The following SUN3 variants were observed in gnomAD, a reference collection of about 807,000 sequenced individuals.
SUN3 encodes the protein Sad1 and UNC84 domain containing 3, also known as SUN domain-containing protein 3.
A neutral mutation model predicts 48.2 loss-of-function variants in SUN3; 36 were observed. The observed-to-expected ratio is 0.75, with a 90% confidence interval of 0.57 to 0.99. SUN3 has a LOEUF of 0.99. Ranked by LOEUF, SUN3 falls within the 50% of genes least tolerant of loss-of-function variation. The pLI is 0.00. For synonymous variants in SUN3, 148 were observed against 147.9 expected (o/e 1.00, Z 0.00); for missense variants, 419 against 433.1 (o/e 0.97, Z 0.29).
chr7:48,012,491 T>G (rs572128900), intron 3 of SUN3, among the ~76,000 whole-genome samples: 6 of 152,238 alleles, frequency 3.9e-5, no homozygotes, highest in African/African-American at 1.4e-4. Context: ...AATGATGTGT[T>G]AACACATTTC....
intron 1 of SUN3, among the ~76,000 whole-genome samples, chr7:48,027,500 G>A (rs921050448): frequency 6.6e-6 from 1 of 152,180 alleles, no homozygotes; most frequent in Non-Finnish European, 1.5e-5. Flanking sequence ...AGGGTGGATG[G>A]GGAGGGAAGC....
chr7:47,995,767 T>C (rs1250602796), intron 7 of SUN3, among the ~76,000 whole-genome samples: 1 of 152,238 alleles, frequency 6.6e-6, no homozygotes, highest in East Asian at 1.9e-4. Context: ...ATGGAATGTA[T>C]ATGTTTTACT....
intron 8 of SUN3, among the ~76,000 whole-genome samples, chr7:47,989,145 C>T (rs1788982364): frequency 6.6e-6 from 1 of 152,036 alleles, no homozygotes; most frequent in Admixed American, 6.6e-5. Flanking sequence ...TAGATAGATC[C>T]ATAGATAGAT....
chr7:48,033,297 A>G (rs1044859663), upstream of SUN3, among the ~76,000 whole-genome samples: 2 of 152,354 alleles, frequency 1.3e-5, no homozygotes, highest in South Asian at 4.1e-4. Context: ...GTGGTGGCTC[A>G]TGCCTAGAGC....
intron 3 of SUN3, among the ~76,000 whole-genome samples, chr7:48,011,383 C>T (rs1393527841): frequency 6.6e-6 from 1 of 152,174 alleles, no homozygotes; most frequent in African/African-American, 2.4e-5. Flanking sequence ...ATAATGATGT[C>T]AGAATGGAAT....
chr7:48,009,174 C>A, intron 3 of SUN3, 99 bp from the exon 4 acceptor site: 1 of 1,177,170 alleles, frequency 8.5e-7, no homozygotes, highest in South Asian at 1.4e-5. Flanking sequence ...CACATTGACT[C>A]CTGATATACA....
chr7:48,034,444 A>T, the SUN3 span, among the ~76,000 whole-genome samples: 1 of 133,190 alleles, frequency 7.5e-6, no homozygotes, highest in Non-Finnish European at 1.5e-5. Context: ...GTCTTGATTT[A>T]AAAAAAAATT....
Position 47,996,072 on chromosome 7 carries a change from C to T in SUN3, c.652G>A (p.Gly218Ser), listed in dbSNP as rs771699245. 5 of 1,592,828 alleles carry T rather than the reference C, an allele frequency of 3.1e-6. No homozygotes were observed. The highest frequency in any genetic ancestry group is 3.4e-6 in the Non-Finnish European group (4 of 1,173,020). Residue 218 changes from glycine (G) to serine (S), a missense_variant, in exon 7 of 10, where the codon GGT (glycine) becomes AGT (serine). By Grantham distance (56) the Gly-to-Ser change is moderately conservative. Transcript: ENST00000297325. ...NKAKLYWHGI[G>S]FLNHEMPPDI... ...GGAGGCATTTCATGATTTAGGAAAC[C>T]TATCCCATGCCAGTACAATTTTGCT... is the stretch of plus-strand genomic sequence containing the variant.
intron 8 of SUN3, chr7:47,990,907 A>C (rs1426578402): frequency 2.6e-6 from 1 of 391,394 alleles, no homozygotes; most frequent in Non-Finnish European, 4.8e-6. Context: ...TAATGAGAAC[A>C]CATGAACACA....
intron 8 of SUN3, among the ~76,000 whole-genome samples, chr7:47,992,609 G>C (rs1454147876): frequency 1.3e-5 from 2 of 152,018 alleles, no homozygotes; most frequent in East Asian, 3.9e-4. Flanking sequence ...GGATGCATGA[G>C]TGAAATCCCA....
chr7:48,005,163 C>T (rs1463120406), intron 6 of SUN3, among the ~76,000 whole-genome samples: 1 of 152,156 alleles, frequency 6.6e-6, no homozygotes, highest in Non-Finnish European at 1.5e-5. Flanking sequence ...TATCAGAATG[C>T]CAAGACCAAA....
intron 2 of SUN3, among the ~76,000 whole-genome samples, chr7:48,024,450 C>T (rs1245502592): frequency 6.6e-6 from 1 of 151,810 alleles, no homozygotes; most frequent in Non-Finnish European, 1.5e-5. Flanking sequence ...GAAATCAAAC[C>T]ATGATGAAAC....
At chr7:48,012,044 T>C (rs1789697888) in intron 3 of SUN3, among the ~76,000 whole-genome samples, 1 of 152,212 alleles carries the variant, frequency 6.6e-6, no homozygotes, top group South Asian at 2.1e-4. Context: ...TGTGTATAGT[T>C]GATTATCTTT....
At chr7:48,010,504 C>A (rs1375343540) in intron 3 of SUN3, among the ~76,000 whole-genome samples, 1 of 152,110 alleles carries the variant, frequency 6.6e-6, no homozygotes, top group Non-Finnish European at 1.5e-5. Context: ...TGACTATGTG[C>A]CAAGAAAATA....
At chr7:47,998,201 G>C (rs1789264038) in intron 6 of SUN3, among the ~76,000 whole-genome samples, 4 of 152,212 alleles carry the variant, frequency 2.6e-5, no homozygotes, top group Admixed American at 2.6e-4. Context: ...GTGTATGAGA[G>C]GTCCATTTTG....
upstream of SUN3, among the ~76,000 whole-genome samples, chr7:48,032,069 C>T (rs192748825): frequency 2.6e-5 from 4 of 152,222 alleles, no homozygotes; most frequent in Admixed American, 2.0e-4. Flanking sequence ...TGTGTAGAAG[C>T]AAAGAGTAGA....
At position 48,029,067 on chromosome 7, in the gene SUN3, A is replaced by G. The variant is rs1302782629; in HGVS notation, c.-129T>C. 11 of 1,331,178 alleles carry G rather than the reference A, an allele frequency of 8.3e-6. No homozygotes were observed. The highest frequency in any genetic ancestry group is 1.0e-5 in the Non-Finnish European group (10 of 976,248). 82.5% of individuals were successfully genotyped at this position (1,331,178 alleles called of 1,614,324 possible). ...GTTTTGTATAATGTCTTCTTCCTCCACGGGTGTTTCTTCTTGAAGACGGAA... is the reference window on the plus strand; with the variant it reads ...GTTTTGTATAATGTCTTCTTCCTCCGCGGGTGTTTCTTCTTGAAGACGGAA... On this transcript the variant is annotated 5_prime_UTR_variant, in exon 1 of 10. Coordinates refer to ENST00000297325, the MANE Select transcript of SUN3 (RefSeq NM_001030019.2).
At chr7:48,007,557 G>A (rs934815098) in intron 4 of SUN3, among the ~76,000 whole-genome samples, 3 of 152,132 alleles carry the variant, frequency 2.0e-5, no homozygotes, top group Admixed American at 6.5e-5. Flanking sequence ...CTGCTTGACC[G>A]GGCTCTGCAT....
At chr7:47,994,893 TG>T (rs940010778) in intron 7 of SUN3, among the ~76,000 whole-genome samples, 16 of 151,830 alleles carry the variant, frequency 1.1e-4, no homozygotes, top group African/African-American at 3.6e-4. Flanking sequence ...ATGGTGGTCA[TG>T]GCAATGGTAT....
Sources: gnomAD v4.1 joint callset for allele counts (sites outside exome capture counted in the v4.1 genomes callset) on GRCh38, gnomAD v4.1.1 for gene constraint, MANE v1.5 for transcripts, NCBI Gene and HGNC (gene_info 2026-07-23, HGNC 2026-07-21) for gene names.